SNX24: variants seen among roughly 807,000 people sequenced by gnomAD.
SNX24 encodes the protein sorting nexin 24, also known as sorting nexin-24.
A neutral mutation model predicts 28.7 loss-of-function variants in SNX24; 22 were observed. That is an observed-to-expected ratio of 0.77 (90% CI 0.55 to 1.10). The LOEUF (loss-of-function observed/expected upper bound fraction) is 1.10. Ranked by LOEUF, SNX24 falls within the 50% of genes least tolerant of loss-of-function variation. The probability of loss-of-function intolerance (pLI) is 0.00; values close to 1 mark genes in which losing one functional copy is unlikely to be tolerated. For synonymous variants in SNX24, 69 were observed against 71.5 expected, an observed-to-expected ratio of 0.96 and a Z score of 0.18; for missense variants, 221 against 201.1, an observed-to-expected ratio of 1.10 and a Z score of -0.60.
At chr5:122,855,076 C>T (rs1295214529) in intron 1 of SNX24, among the ~76,000 whole-genome samples, 1 of 151,314 alleles carries the variant, frequency 6.6e-6, no homozygotes, top group East Asian at 1.9e-4. Context: ...TTTTCCTTTT[C>T]CTTTTTTTTT....
At chr5:122,954,157 G>A (rs1168562628) in intron 3 of SNX24, among the ~76,000 whole-genome samples, 1 of 150,416 alleles carries the variant, frequency 6.6e-6, no homozygotes, top group African/African-American at 2.5e-5. Context: ...TTGAAAATGT[G>A]TATTCTTAAA....
At chr5:122,918,567 G>A (rs968979067) in intron 1 of SNX24, among the ~76,000 whole-genome samples, 10 of 152,298 alleles carry the variant, frequency 6.6e-5, no homozygotes, top group African/African-American at 2.4e-4. Context: ...TGTTGAAGCT[G>A]TGGATTAGAA....
At chr5:122,874,827 G>A (rs1366065414) in intron 1 of SNX24, among the ~76,000 whole-genome samples, 1 of 152,184 alleles carries the variant, frequency 6.6e-6, no homozygotes, top group Non-Finnish European at 1.5e-5. Flanking sequence ...TAAATGCTCT[G>A]AGTCTTGGCT....
chr5:123,007,659 C>CTT (rs760607897), intron 6 of SNX24, 23 bp from the exon 7 acceptor site: 107 of 1,151,594 alleles, frequency 9.3e-5, no homozygotes, highest in East Asian at 2.5e-4. Flanking sequence ...TTTTTTTTTT[C>CTT]TTTTTTTTTT....
intron 6 of SNX24, among the ~76,000 whole-genome samples, chr5:123,005,355 G>A (rs1211136312): frequency 6.6e-6 from 1 of 151,918 alleles, no homozygotes. Context: ...CCCTCCCAGC[G>A]GGCTGCTTTG....
intron 3 of SNX24, among the ~76,000 whole-genome samples, chr5:122,976,294 A>T (rs558615434): frequency 0.025 from 265 of 10,572 alleles, no homozygotes; most frequent in Non-Finnish European, 0.084. Context: ...CTCAGTCATT[A>T]AAAAAAAAAA....
At chr5:122,918,072 TC>T (rs1299236074) in intron 1 of SNX24, among the ~76,000 whole-genome samples, 1 of 151,976 alleles carries the variant, frequency 6.6e-6, no homozygotes, top group East Asian at 1.9e-4. Flanking sequence ...AGAGCGAGAC[TC>T]CATCTCAAAA....
chr5:123,023,799 G>GACAAC (rs1715997808), intron 5 of SNX24: 1 of 1,202,616 alleles, frequency 8.3e-7, no homozygotes, highest in Non-Finnish European at 1.1e-6. Context: ...ATAATTGAAA[G>GACAAC]ACAACACAAC....
At chr5:122,918,624 A>G (rs1046891633) in intron 1 of SNX24, among the ~76,000 whole-genome samples, 1 of 152,204 alleles carries the variant, frequency 6.6e-6, no homozygotes, top group Non-Finnish European at 1.5e-5. Context: ...ACAGCCTAGC[A>G]TAGATTAGGA....
downstream of SNX24, among the ~76,000 whole-genome samples, chr5:123,009,567 C>A (rs1480628056): frequency 6.6e-6 from 1 of 152,184 alleles, no homozygotes; most frequent in Admixed American, 6.5e-5. Context: ...ATGCAGACAT[C>A]ATAAGATTTG....
chr5:122,991,815 CCTTT>C (rs1345356636), intron 3 of SNX24, among the ~76,000 whole-genome samples: 1 of 151,920 alleles, frequency 6.6e-6, no homozygotes, highest in Non-Finnish European at 1.5e-5. Flanking sequence ...GAATGTGTTG[CCTTT>C]CTTAGTCTGA....
intron 1 of SNX24, among the ~76,000 whole-genome samples, chr5:122,852,723 A>G (rs1210251418): frequency 2.6e-5 from 4 of 152,128 alleles, no homozygotes; most frequent in Non-Finnish European, 5.9e-5. Flanking sequence ...CATTAGCCCT[A>G]GTTGATTTTT....
intron 1 of SNX24, among the ~76,000 whole-genome samples, chr5:122,932,803 G>A (rs192057650): frequency 1.4e-5 from 2 of 147,726 alleles, no homozygotes; most frequent in East Asian, 4.0e-4. Context: ...AGCTTGCAGT[G>A]AGCCAAGATT....
intron 1 of SNX24, among the ~76,000 whole-genome samples, chr5:122,885,693 A>C (rs1467081184): frequency 6.6e-6 from 1 of 152,118 alleles, no homozygotes; most frequent in East Asian, 1.9e-4. Flanking sequence ...CAGCCAGTTA[A>C]GGTTAAAGAA....
intron 3 of SNX24, among the ~76,000 whole-genome samples, chr5:122,948,980 A>G (rs1012506674): frequency 3.3e-5 from 5 of 152,226 alleles, no homozygotes; most frequent in African/African-American, 1.2e-4. Context: ...TAGATAGATG[A>G]TTTTTTAAAT....
intron 6 of SNX24, among the ~76,000 whole-genome samples, chr5:123,003,938 G>A (rs1359266488): frequency 6.6e-6 from 1 of 152,168 alleles, no homozygotes; most frequent in Non-Finnish European, 1.5e-5. Flanking sequence ...CCAGTTTCAC[G>A]AATCAGATTC....
chr5:122,913,761 C>A (rs1758027015), intron 1 of SNX24, among the ~76,000 whole-genome samples: 1 of 152,082 alleles, frequency 6.6e-6, no homozygotes, highest in Non-Finnish European at 1.5e-5. Context: ...AGGCAGGCGG[C>A]TGGGAGGTGG....
intron 3 of SNX24, among the ~76,000 whole-genome samples, chr5:122,981,789 C>T (rs531743661): frequency 6.8e-4 from 103 of 152,240 alleles, no homozygotes; most frequent in Middle Eastern, 6.8e-3. Context: ...GTGATTCTCC[C>T]GCCTCAGCCT....
At chr5:122,969,200 A>G (rs372106410) in intron 3 of SNX24, among the ~76,000 whole-genome samples, 2 of 152,178 alleles carry the variant, frequency 1.3e-5, no homozygotes, top group African/African-American at 4.8e-5. Context: ...GTTTTCAAAA[A>G]TCTGTGTTTT....
Sources: allele counts gnomAD v4.1 joint callset (sites outside exome capture counted in the v4.1 genomes callset), GRCh38; gene constraint gnomAD v4.1.1; transcripts MANE v1.5; gene names NCBI Gene and HGNC (gene_info 2026-07-23, HGNC 2026-07-21).